Variants in TNS3 observed in about 807,000 individuals in gnomAD.
TNS3 encodes the protein tensin 3, also known as tensin-3.
A neutral mutation model predicts 140.9 loss-of-function variants in TNS3; 45 were observed. The ratio of observed to expected loss-of-function variants is 0.32; its 90% CI spans 0.25 to 0.41. The LOEUF is 0.41. TNS3 is among the 10% of genes least tolerant of loss of function. The pLI is 1.00. For missense variants in TNS3, 1,716 were observed against 1,906.7 expected (o/e 0.90, Z 1.86); for synonymous variants, 815 against 788.4 (o/e 1.03, Z -0.56).
At chr7:47,463,034 T>C (rs1324771915) in intron 4 of TNS3, among the ~76,000 whole-genome samples, 1 of 152,172 alleles carries the variant, frequency 6.6e-6, no homozygotes, top group Non-Finnish European at 1.5e-5. Flanking sequence ...GCAGTAGTTG[T>C]GTTCTATAAA....
At chr7:47,459,515 C>A (rs545945092) in intron 4 of TNS3, among the ~76,000 whole-genome samples, 2 of 152,258 alleles carry the variant, frequency 1.3e-5, no homozygotes, top group East Asian at 3.9e-4. Context: ...CTGCAAGCAC[C>A]TTCATCCCCT....
At chr7:47,493,326 G>C (rs939590410) in intron 3 of TNS3, among the ~76,000 whole-genome samples, 1 of 152,186 alleles carries the variant, frequency 6.6e-6, no homozygotes, top group Non-Finnish European at 1.5e-5. Context: ...AGATGAGAAA[G>C]AATTAGCAGT....
intron 20 of TNS3, among the ~76,000 whole-genome samples, chr7:47,319,395 G>GAGAGTGAT: frequency 6.6e-6 from 1 of 152,188 alleles, no homozygotes; most frequent in East Asian, 1.9e-4. Flanking sequence ...GAGAGAGTGA[G>GAGAGTGAT]AGAGTGATAG....
chr7:47,556,938 C>T (rs1800210465), intron 1 of TNS3: 1 of 441,830 alleles, frequency 2.3e-6, no homozygotes, highest in African/African-American at 2.0e-5. Context: ...GCCAAGAGGC[C>T]CTACTCCCAG....
chr7:47,431,382 C>T (rs1190815155), intron 8 of TNS3, among the ~76,000 whole-genome samples: 19 of 152,106 alleles, frequency 1.2e-4, no homozygotes, highest in Admixed American at 1.2e-3. Context: ...ATCACGAGGT[C>T]AGGAGATCAA....
intron 16 of TNS3, among the ~76,000 whole-genome samples, chr7:47,386,741 G>C (rs962311186): frequency 2.0e-5 from 3 of 152,224 alleles, no homozygotes; most frequent in African/African-American, 7.2e-5. Context: ...CCCCAAAGTA[G>C]GTCAGAATTG....
At chr7:47,475,307 C>T (rs1334514977) in intron 4 of TNS3, among the ~76,000 whole-genome samples, 1 of 152,244 alleles carries the variant, frequency 6.6e-6, no homozygotes, top group Non-Finnish European at 1.5e-5. Context: ...ATGACTCAGC[C>T]ACTATTCTTA....
Position 47,293,812 on chromosome 7 carries a change from A to G in TNS3, c.3693T>C (p.Asn1231=). Residue 1231 remains asparagine, a synonymous_variant, in exon 25 of 31, where the codon AAT becomes AAC. Coordinates refer to ENST00000311160, the MANE Select transcript of TNS3 (RefSeq NM_022748.12). The part of the protein sequence containing the change: ...QLNKKAGDLA[N]ELVRHFLIEC... ...CGATCAAAAAGTGCCGGACGAGTTCATTGGCCAAATCTCCAGCTGTGGCAA... is the reference window on the plus strand; with the variant it reads ...CGATCAAAAAGTGCCGGACGAGTTCGTTGGCCAAATCTCCAGCTGTGGCAA... 6.2e-7 allele frequency: 1 copy of G among 1,614,220 alleles called. No individual in the cohort carries two copies. Among genetic ancestry groups the G allele is most frequent in the Non-Finnish European group, 8.5e-7 (1 of 1,180,038 alleles).
chr7:47,379,545 T>C (rs554220696), intron 16 of TNS3, among the ~76,000 whole-genome samples: 3 of 152,220 alleles, frequency 2.0e-5, no homozygotes, highest in Non-Finnish European at 4.4e-5. Context: ...CTCTATGATT[T>C]TGATATATTT....
chr7:47,369,564 C>T lies in TNS3; in HGVS notation c.1082G>A (p.Ser361Asn), dbSNP rs180802444. The T allele has an allele frequency of 1.5e-4, 246 of 1,610,684 alleles. 2 individuals carry two copies. In the East Asian group the frequency reaches 4.6e-3, roughly 30 times the overall value. ...ACCTGGGATGCCAGGATCCGAGGAG[C>T]TTTTCTTCCTCACCTTCGCGTAAAG... ...GSLYAKVRKKSSSDPGIPGGP... is the reference protein window; with the variant it reads ...GSLYAKVRKKNSSDPGIPGGP... Residue 361 changes from serine (S) to asparagine (N), a missense_variant, in exon 17 of 31, where the codon AGC becomes AAC. This residue lies in a region of TNS3 where 1,163 missense variants were observed against 1,182.1 expected (regional missense o/e 0.98). Transcript: ENST00000311160.
At chr7:47,373,596 A>C (rs1334718311) in intron 16 of TNS3, among the ~76,000 whole-genome samples, 2 of 152,164 alleles carry the variant, frequency 1.3e-5, no homozygotes, top group African/African-American at 4.8e-5. Flanking sequence ...CCTCCTCAAC[A>C]GGTGCTGCCC....
At chr7:47,396,565 C>T (rs1210685852) in intron 16 of TNS3, 2 of 532,808 alleles carry the variant, frequency 3.8e-6, no homozygotes, top group Non-Finnish European at 6.8e-6. Flanking sequence ...TCACTGACAG[C>T]TCATCCACCC....
chr7:47,443,853 G>C (rs2151589168), intron 4 of TNS3, among the ~76,000 whole-genome samples: 1 of 152,276 alleles, frequency 6.6e-6, no homozygotes, highest in African/African-American at 2.4e-5. Context: ...CCTGGGAGGA[G>C]GAGGTTGCAG....
chr7:47,487,390 C>T (rs899179115), intron 3 of TNS3, among the ~76,000 whole-genome samples: 25 of 152,280 alleles, frequency 1.6e-4, no homozygotes, highest in African/African-American at 5.8e-4. Context: ...GGCTTGGCTC[C>T]TCTAATCGTT....
intron 1 of TNS3, among the ~76,000 whole-genome samples, chr7:47,571,685 G>A (rs896574986): frequency 1.2e-4 from 19 of 152,222 alleles, no homozygotes; most frequent in African/African-American, 4.1e-4. Flanking sequence ...AACGGAAGCC[G>A]GGTCTGTCTG....
chr7:47,440,586 G>A (rs1795418277), intron 5 of TNS3, among the ~76,000 whole-genome samples: 1 of 152,174 alleles, frequency 6.6e-6, no homozygotes, highest in Admixed American at 6.5e-5. Flanking sequence ...CAATGTGACT[G>A]GAGACAAGGG....
intron 17 of TNS3, among the ~76,000 whole-genome samples, chr7:47,367,698 C>A (rs796644867): frequency 3.3e-5 from 5 of 152,342 alleles, no homozygotes; most frequent in African/African-American, 1.2e-4. Context: ...CCCCTCACCC[C>A]TGGGCCTGTT....
At chr7:47,336,728 C>A (rs1219536290) in intron 20 of TNS3, among the ~76,000 whole-genome samples, 1 of 152,152 alleles carries the variant, frequency 6.6e-6, no homozygotes, top group African/African-American at 2.4e-5. Context: ...ACTCCATACA[C>A]ACCTATACTA....
At chr7:47,506,268 A>G (rs866988744) in intron 3 of TNS3, among the ~76,000 whole-genome samples, 1 of 151,964 alleles carries the variant, frequency 6.6e-6, no homozygotes, top group East Asian at 1.9e-4. Flanking sequence ...AACGTAGAAA[A>G]CCATGTGCTT....
Sources: gnomAD v4.1 joint callset for allele counts (sites outside exome capture counted in the v4.1 genomes callset) on GRCh38, gnomAD v4.1.1 for gene constraint, gnomAD v4.1.1 regional missense constraint, MANE v1.5 for transcripts, NCBI Gene and HGNC (gene_info 2026-07-23, HGNC 2026-07-21) for gene names.